The following P2RY14 variants were observed in gnomAD, a reference collection of about 807,000 sequenced individuals.
P2RY14 encodes the protein P2Y purinoceptor 14.
In P2RY14, 2 loss-of-function variants were observed where a neutral mutation model predicts 0.9. The observed-to-expected ratio is 2.16, with a 90% CI of 0.88 to 6.79. P2RY14 has a LOEUF of 6.79. Ranked by LOEUF, P2RY14 falls within the 30% of genes most tolerant of loss-of-function variation. The pLI, the probability that P2RY14 is intolerant of heterozygous loss-of-function variation, is 0.05. For synonymous variants in P2RY14, 158 were observed against 147.2 expected (o/e 1.07, Z -0.53); for missense variants, 378 against 400.1 (o/e 0.94, Z 0.47).
At chr3:151,256,597 C>G (rs1354043104) in intron 1 of P2RY14, among the ~76,000 whole-genome samples, 6 of 140,756 alleles carry the variant, frequency 4.3e-5, no homozygotes. Flanking sequence ...AAGTACCTCT[C>G]CATTGCCAGA....
Position 151,269,442 on chromosome 3 carries a change from A to C in P2RY14, c.-133+8845T>G, listed in dbSNP as rs6762875. On this transcript the variant is annotated intron_variant, in intron 1 of 2. Transcript: ENST00000309170. ...ACACACACACACACACACACACACAAAATTCAGAGACTTAATGAACAAGCC... is the reference window on the plus strand; with the variant it reads ...ACACACACACACACACACACACACACAATTCAGAGACTTAATGAACAAGCC... The C allele has an allele frequency of 1.1e-3, 192 of 178,022 alleles. 1 individual carries two copies. The highest frequency in any genetic ancestry group is 7.9e-3 in the African/African-American group (176 of 22,380). 11.0% of individuals were successfully genotyped at this position (178,022 alleles called of 1,614,324 possible).
chr3:151,253,419 A>C (rs1737210156), intron 1 of P2RY14, among the ~76,000 whole-genome samples: 1 of 152,094 alleles, frequency 6.6e-6, no homozygotes, highest in Admixed American at 6.6e-5. Context: ...TTCATTTCCA[A>C]ACACACCTTC....
intron 1 of P2RY14, among the ~76,000 whole-genome samples, chr3:151,227,296 T>A (rs1730711116): frequency 6.6e-6 from 1 of 152,200 alleles, no homozygotes. Context: ...AAGCATAAAT[T>A]CGGCCCTCTC....
intron 1 of P2RY14, among the ~76,000 whole-genome samples, chr3:151,269,139 GTGGCTTA>G (rs1740382499): frequency 6.6e-6 from 1 of 152,174 alleles, no homozygotes; most frequent in African/African-American, 2.4e-5. Flanking sequence ...GCTGGGCGCG[GTGGCTTA>G]TGCCTATACT....
intron 1 of P2RY14, among the ~76,000 whole-genome samples, chr3:151,254,513 C>CA (rs539292502): frequency 1.3e-3 from 193 of 152,324 alleles, no homozygotes; most frequent in Non-Finnish European, 2.4e-3. Flanking sequence ...GATATGTAAA[C>CA]ATGCTATATA....
chr3:151,243,603 G>T (rs1734715154), intron 1 of P2RY14, among the ~76,000 whole-genome samples: 1 of 150,752 alleles, frequency 6.6e-6, no homozygotes, highest in South Asian at 2.1e-4. Flanking sequence ...CCCTAAAAGA[G>T]CTCCTGAAGG....
chr3:151,228,689 G>C (rs946650888), intron 1 of P2RY14, among the ~76,000 whole-genome samples: 1 of 152,104 alleles, frequency 6.6e-6, no homozygotes, highest in African/African-American at 2.4e-5. Flanking sequence ...GAGTGTTTCA[G>C]TTCTAATTTA....
intron 1 of P2RY14, among the ~76,000 whole-genome samples, chr3:151,252,375 A>AT (rs534485552): frequency 7.8e-4 from 118 of 152,190 alleles, no homozygotes; most frequent in African/African-American, 2.8e-3. Flanking sequence ...CTAAGATCTG[A>AT]TTTTTCATAG....
intron 1 of P2RY14, among the ~76,000 whole-genome samples, chr3:151,260,165 G>C (rs889323075): frequency 3.9e-5 from 6 of 152,134 alleles, no homozygotes; most frequent in Admixed American, 3.3e-4. Flanking sequence ...ATGAGGGCTA[G>C]TAAACTTAAT....
chr3:151,229,353 G>A (rs887917721), intron 1 of P2RY14, among the ~76,000 whole-genome samples: 4 of 146,918 alleles, frequency 2.7e-5, no homozygotes, highest in African/African-American at 7.6e-5. Context: ...TGTTGCTCAG[G>A]CTGGAGGGCA....
chr3:151,273,689 A>G (rs540133847), intron 1 of P2RY14, among the ~76,000 whole-genome samples: 1 of 152,272 alleles, frequency 6.6e-6, no homozygotes, highest in African/African-American at 2.4e-5. Context: ...TCAAGATTTG[A>G]AGCCAAAAAG....
chr3:151,236,287 G>A (rs1184694327), intron 1 of P2RY14, among the ~76,000 whole-genome samples: 1 of 152,132 alleles, frequency 6.6e-6, no homozygotes. Context: ...GTTTTAAAAT[G>A]TACTTTTATA....
At chr3:151,249,798 T>C (rs1319858275) in intron 1 of P2RY14, among the ~76,000 whole-genome samples, 1 of 152,176 alleles carries the variant, frequency 6.6e-6, no homozygotes, top group African/African-American at 2.4e-5. Flanking sequence ...AAGTTCTTCC[T>C]GGGGATTTCT....
At chr3:151,226,274 TGA>T (rs1421221984) in intron 1 of P2RY14, among the ~76,000 whole-genome samples, 1 of 152,030 alleles carries the variant, frequency 6.6e-6, no homozygotes, top group Admixed American at 6.6e-5. Context: ...AGTTTTGGGG[TGA>T]GAGAGCTATA....
At chr3:151,264,290 A>G (rs1303041610) in intron 1 of P2RY14, among the ~76,000 whole-genome samples, 1 of 152,236 alleles carries the variant, frequency 6.6e-6, no homozygotes, top group African/African-American at 2.4e-5. Context: ...TTGCTGTGAC[A>G]TCAAAAAGAG....
intron 1 of P2RY14, among the ~76,000 whole-genome samples, chr3:151,276,535 C>T (rs1741886999): frequency 6.6e-6 from 1 of 152,174 alleles, no homozygotes; most frequent in Admixed American, 6.5e-5. Context: ...GAGGTTGAAA[C>T]AGCTCACTTG....
At chr3:151,238,106 T>C (rs898564315) in intron 1 of P2RY14, among the ~76,000 whole-genome samples, 1 of 152,066 alleles carries the variant, frequency 6.6e-6, no homozygotes, top group Non-Finnish European at 1.5e-5. Flanking sequence ...AACTTTTCTG[T>C]CCTAAAGTTT....
At chr3:151,230,570 C>CTTTTTT (rs368433695) in intron 1 of P2RY14, among the ~76,000 whole-genome samples, 2 of 139,458 alleles carry the variant, frequency 1.4e-5, no homozygotes, top group Non-Finnish European at 1.6e-5. Flanking sequence ...TTACTCCACG[C>CTTTTTT]TTTTTTTTTT....
intron 1 of P2RY14, among the ~76,000 whole-genome samples, chr3:151,255,917 T>C (rs568508047): frequency 1.3e-5 from 2 of 152,336 alleles, no homozygotes; most frequent in East Asian, 3.9e-4. Flanking sequence ...CCTGCACTAT[T>C]AAAGTTGTTG....
Sources: allele counts gnomAD v4.1 joint callset (sites outside exome capture counted in the v4.1 genomes callset), GRCh38; gene constraint gnomAD v4.1.1; transcripts MANE v1.5; gene names NCBI Gene and HGNC (gene_info 2026-07-23, HGNC 2026-07-21).